Variants in COL5A3 observed in about 807,000 individuals in gnomAD.
The protein encoded by COL5A3 is collagen alpha-3(V) chain.
A neutral mutation model predicts 250.0 loss-of-function variants in COL5A3; 172 were observed. The ratio of observed to expected loss-of-function variants is 0.69; its 90% CI spans 0.61 to 0.78. The LOEUF is 0.78. Among genes scored for constraint, COL5A3 ranks in the 30% least tolerant of loss-of-function variants. The pLI is 0.00. For synonymous variants in COL5A3, 937 were observed against 900.4 expected (o/e 1.04, Z -0.73); for missense variants, 2,340 against 2,334.4 (o/e 1.00, Z -0.05).
chr19:9,976,523 A>G (rs969765731), intron 45 of COL5A3, 35 bp downstream of exon 45: 1 of 1,513,562 alleles, frequency 6.6e-7, no homozygotes, highest in Non-Finnish European at 8.9e-7. Flanking sequence ...CCCTTCAAGG[A>G]CCCAGAGAAG....
In COL5A3 at chr19:9,987,660, G is replaced by A. The variant is rs549991249; in HGVS notation, c.2146-902C>T. 5.9e-5 allele frequency among the ~76,000 whole-genome samples: 9 copies of A among 152,234 alleles called. No homozygotes were observed. In the South Asian group the frequency reaches 1.7e-3, roughly 28 times the overall value. ...AGCTACCTGGGAGGGTGAGGTGGGA[G>A]GATTGATTGAGCCTGGGAGCTCTAG... On this transcript the variant is annotated intron_variant, in intron 27 of 66. Transcript: ENST00000264828.
chr19:9,982,147 T>G (rs1450458884), intron 31 of COL5A3, 29 bp from the exon 32 acceptor site: 2 of 1,533,318 alleles, frequency 1.3e-6, no homozygotes, highest in Admixed American at 3.7e-5. Context: ...AAAGAAGACA[T>G]GAGGGTGAGG....
At chr19:9,986,452 C>T (rs2087101478) in intron 29 of COL5A3, 30 bp from the exon 30 acceptor site, 8 of 1,610,996 alleles carry the variant, frequency 5.0e-6, no homozygotes, top group Non-Finnish European at 6.8e-6. Flanking sequence ...ATTTAATATC[C>T]ATCTTTTGTC....
chr19:9,968,263 C>G lies in COL5A3; in HGVS notation c.4314+122G>C, dbSNP rs778616902. ...ACTTGCCAGTTCCCAGATACATCCCCCTATTTTCCCCACACACACCCTCAT... is the reference window on the plus strand; with the variant it reads ...ACTTGCCAGTTCCCAGATACATCCCGCTATTTTCCCCACACACACCCTCAT... On this transcript the variant is annotated intron_variant, in intron 59 of 66. Coordinates refer to ENST00000264828, the MANE Select transcript of COL5A3 (RefSeq NM_015719.4). The surrounding 1 kb of genome is among the most constrained non-coding windows in gnomAD (Gnocchi z 4.1). The G allele has an allele frequency of 9.4e-5, 95 of 1,008,654 alleles. No homozygotes were observed. Among genetic ancestry groups the G allele is most frequent in the Non-Finnish European group, 1.0e-4 (68 of 664,654 alleles). 62.5% of individuals were successfully genotyped at this position (1,008,654 alleles called of 1,614,324 possible).
At chr19:9,967,201 T>C (rs749408637) in intron 62 of COL5A3, 146 bp downstream of exon 62, 46 of 611,778 alleles carry the variant, frequency 7.5e-5, no homozygotes, top group Admixed American at 1.9e-4. Context: ...TACAGGGAAC[T>C]ACCCTCTTCA....
chr19:9,980,499 C>T lies in COL5A3; in HGVS notation c.2604+149G>A, dbSNP rs2086992735. On this transcript the variant is annotated intron_variant, in intron 35 of 66. Transcript: ENST00000264828. Reference sequence around the variant, plus strand: ...ATCTCAGCTTCCAGCATAGGTGGGACTACAGGCGTGCACCACCACACCCAA... The same window carrying T: ...ATCTCAGCTTCCAGCATAGGTGGGATTACAGGCGTGCACCACCACACCCAA... The T allele has an allele frequency of 8.5e-6, 10 of 1,176,658 alleles. No homozygotes were observed. In the Admixed American group the frequency reaches 1.9e-4, roughly 23 times the overall value. 72.9% of individuals were successfully genotyped at this position (1,176,658 alleles called of 1,614,324 possible).
chr19:9,982,118 C>A lies in COL5A3; in HGVS notation c.2407G>T (p.Gly803Ter). The A allele has an allele frequency of 6.3e-7, 1 of 1,597,538 alleles. No homozygotes were observed. Among genetic ancestry groups the A allele is most frequent in the East Asian group, 2.3e-5 (1 of 44,180 alleles). ...PGYPGRPGPK[G>*]SIGFPGPLGP... ...AGGGGACCGGGAAATCCAATAGATC[C>A]CTGAGTGGAGAGAATTAGAAAGAAG... The change falls in exon 32 of 67, where the codon GGA becomes TGA. Residue 803 changes from glycine to a stop codon, truncating the protein, a stop_gained and splice_region_variant. Coordinates refer to ENST00000264828, the MANE Select transcript of COL5A3 (RefSeq NM_015719.4). LOFTEE classifies it high-confidence loss of function.
intron 57 of COL5A3, chr19:9,969,022 C>A: frequency 1.7e-6 from 1 of 579,986 alleles, no homozygotes; most frequent in Non-Finnish European, 3.0e-6. Context: ...TCAGTGTGGT[C>A]AGTGTAGACC....
rs2287809 is a variant in COL5A3 at position 9,982,051 on chromosome 19, C to T, written c.2460+14G>A. 1.2e-5 allele frequency: 20 copies of T among 1,605,664 alleles called. No homozygotes were observed. The East Asian group carries it at 2.0e-4, about 16-fold the overall frequency. On this transcript the variant is annotated intron_variant, in intron 32 of 66. Coordinates refer to ENST00000264828, the MANE Select transcript of COL5A3 (RefSeq NM_015719.4). ...CAAGTTCTCCCCTCTCCCTTACCCC[C>T]GGTCATGACTCACCGACTTCCCTTT...
chr19:9,986,360 C>A lies in COL5A3; in HGVS notation c.2307G>T (p.Ala769=). ...EDGPEGPKGQ[A]GQAGEEGPPG... ...GGGGCCCCTCCTCGCCAGCCTGCCC[C>A]GCCTGCCCCTTCGGCCCCTCAGGAC... Residue 769 remains alanine, a synonymous_variant, in exon 30 of 67, where the codon GCG becomes GCT. Coordinates refer to ENST00000264828, the MANE Select transcript of COL5A3 (RefSeq NM_015719.4). The A allele has an allele frequency of 6.2e-7, 1 of 1,602,144 alleles. No individual in the cohort carries two copies. The highest frequency in any genetic ancestry group is 2.2e-5 in the East Asian group (1 of 44,858).
Position 9,973,763 on chromosome 19 carries a change from C to A in COL5A3, c.3605G>T (p.Gly1202Val). ...CTGCCTTCCCTCACTCACCTTCTCA[C>A]CCACGGCGCCTGGCTGACCAACTCC... The part of the protein sequence containing the change: ...PGGVGQPGAV[G>V]EKGERGDAGD... The change falls in exon 49 of 67, where the codon GGT becomes GTT. Residue 1202 changes from glycine to valine, a missense_variant. This residue lies in a region of COL5A3 where 1,179 missense variants were observed against 1,162.6 expected (regional missense o/e 1.01). Coordinates refer to ENST00000264828, the MANE Select transcript of COL5A3 (RefSeq NM_015719.4). 40 of 1,614,020 alleles carry A rather than the reference C, an allele frequency of 2.5e-5. No individual in the cohort carries two copies. The highest frequency in any genetic ancestry group is 3.1e-5 in the Non-Finnish European group (37 of 1,179,964).
chr19:9,991,659 A>C lies in COL5A3; in HGVS notation c.1948-5T>G, dbSNP rs1303356873. ...TCCCTGGGGACCGGGGAGTCCCTGG[A>C]GACAGAAAAAGAAGATGAGAGAAGG... On this transcript the variant is annotated splice_region_variant and splice_polypyrimidine_tract_variant and intron_variant, in intron 23 of 66. Coordinates refer to ENST00000264828, the MANE Select transcript of COL5A3 (RefSeq NM_015719.4). 6.2e-7 allele frequency: 1 copy of C among 1,612,320 alleles called. No individual in the cohort carries two copies. The highest frequency in any genetic ancestry group is 2.2e-5 in the East Asian group (1 of 44,824).
At chr19:9,998,256 ACGGAGTC>A in intron 8 of COL5A3, 107 bp from the exon 9 acceptor site, 5 of 1,002,666 alleles carry the variant, frequency 5.0e-6, no homozygotes, top group South Asian at 1.7e-5. Context: ...ACACACACAC[ACGGAGTC>A]CACCCTCAGA....
At position 9,972,899 on chromosome 19, in the gene COL5A3, C is replaced by G. The variant is rs549839127; in HGVS notation, c.3774+20G>C. On this transcript the variant is annotated intron_variant, in intron 51 of 66. Coordinates refer to ENST00000264828, the MANE Select transcript of COL5A3 (RefSeq NM_015719.4). ...AAGTGCCCCCTCCCATGTCTGCCCC[C>G]ACTTCCCCCCAGGACTCACCACGCT... 1.9e-6 allele frequency: 3 copies of G among 1,550,408 alleles called. No homozygotes were observed. The highest frequency in any genetic ancestry group is 1.2e-5 in the South Asian group (1 of 83,188).
intron 65 of COL5A3, among the ~76,000 whole-genome samples, chr19:9,962,603 T>C (rs1006873707): frequency 2.0e-5 from 3 of 152,152 alleles, no homozygotes; most frequent in Non-Finnish European, 4.4e-5. Flanking sequence ...CACCATGCCC[T>C]GTGCTTCCCC....
At chr19:9,976,499 C>T in intron 45 of COL5A3, 59 bp downstream of exon 45, 3 of 1,340,576 alleles carry the variant, frequency 2.2e-6, no homozygotes, top group Non-Finnish European at 3.1e-6. Flanking sequence ...CTGTCGTTTG[C>T]TCCCACTATC....
intron 61 of COL5A3, 81 bp downstream of exon 61, chr19:9,967,823 G>T: frequency 7.4e-7 from 1 of 1,357,580 alleles, no homozygotes; most frequent in Non-Finnish European, 1.0e-6. Context: ...ATAAATGAAG[G>T]CAGAGACGTG....
rs528942235 is a variant in COL5A3 at position 9,963,553 on chromosome 19, G to GGT, written c.4783-667_4783-666insAC. Among the ~76,000 whole-genome samples, 49 of 65,934 alleles carry GGT rather than the reference G, an allele frequency of 7.4e-4. 1 individual carries two copies. Among genetic ancestry groups the GGT allele is most frequent in the African/African-American group, 2.7e-3 (45 of 16,520 alleles). The allele number at this position is 65,934 out of a possible 152,430, so 43.3% of individuals were successfully genotyped here. On this transcript the variant is annotated intron_variant, in intron 64 of 66. Transcript: ENST00000264828. ...ATAATAGGAGTGTGCCACCATGCCTGTTTTTTTTGGGGGGGGGGGCGGGTG... is the reference window on the plus strand; with the variant it reads ...ATAATAGGAGTGTGCCACCATGCCTGGTTTTTTTTTGGGGGGGGGGGCGGGTG...
In COL5A3 at chr19:10,009,496, G is replaced by C. The variant is rs370497270; in HGVS notation, c.88+802C>G. On this transcript the variant is annotated intron_variant, in intron 1 of 66. Transcript: ENST00000264828. This position sits in a 1 kb window ranked among gnomAD's most constrained non-coding sequence, Gnocchi z 4.4. Reference sequence around the variant, plus strand: ...GGCTCCAGCAGCTGGGGTGGGGAGGGGGGGAGCAACTTCCACTCCTGCCCC... The same window carrying C: ...GGCTCCAGCAGCTGGGGTGGGGAGGCGGGGAGCAACTTCCACTCCTGCCCC... 6.6e-5 allele frequency among the ~76,000 whole-genome samples: 10 copies of C among 151,968 alleles called. No individual in the cohort carries two copies. Among genetic ancestry groups the C allele is most frequent in the African/African-American group, 9.7e-5 (4 of 41,348 alleles).
Sources: allele counts gnomAD v4.1 joint callset (sites outside exome capture counted in the v4.1 genomes callset), GRCh38; gene constraint gnomAD v4.1.1; regional missense constraint gnomAD v4.1.1; non-coding constraint Gnocchi (gnomAD v3.1); transcripts MANE v1.5; gene names NCBI Gene and HGNC (gene_info 2026-07-23, HGNC 2026-07-21).